The following HSD17B4 variants were observed in gnomAD, a reference collection of about 807,000 sequenced individuals.
The protein encoded by HSD17B4 is peroxisomal multifunctional enzyme type 2.
A neutral mutation model predicts 101.0 loss-of-function variants in HSD17B4; 70 were observed. That is an observed-to-expected ratio of 0.69 (90% CI 0.57 to 0.85). The LOEUF is 0.85. HSD17B4 is among the 40% of genes least tolerant of loss of function. The pLI is 0.00. For synonymous variants in HSD17B4, 347 were observed against 297.1 expected, an observed-to-expected ratio of 1.17 and a Z score of -1.73; for missense variants, 984 against 892.4, an observed-to-expected ratio of 1.10 and a Z score of -1.31.
chr5:119,475,095 C>G (rs544438760), intron 4 of HSD17B4, among the ~76,000 whole-genome samples: 23 of 152,188 alleles, frequency 1.5e-4, no homozygotes, highest in African/African-American at 4.6e-4. Flanking sequence ...GTCTATTACA[C>G]TTATTTTTCT....
intron 1 of HSD17B4, 109 bp downstream of exon 1, chr5:119,452,742 G>T (rs746470194): frequency 7.5e-6 from 12 of 1,595,794 alleles, no homozygotes; most frequent in Non-Finnish European, 1.0e-5. Context: ...CGCTGAGGTG[G>T]TGGGGAGGGG....
intron 18 of HSD17B4, among the ~76,000 whole-genome samples, chr5:119,525,579 C>G (rs1753513453): frequency 1.3e-5 from 2 of 151,984 alleles, no homozygotes; most frequent in African/African-American, 2.4e-5. Flanking sequence ...GGAGAGAGAG[C>G]AAGGAACTGA....
chr5:119,488,502 A>C (rs1385611420), intron 8 of HSD17B4, among the ~76,000 whole-genome samples: 1 of 152,194 alleles, frequency 6.6e-6, no homozygotes, highest in Non-Finnish European at 1.5e-5. Context: ...TGTTCTCAAC[A>C]CAAAGACAAG....
intron 2 of HSD17B4, among the ~76,000 whole-genome samples, chr5:119,471,030 T>G (rs1756314230): frequency 6.6e-6 from 1 of 152,218 alleles, no homozygotes; most frequent in Non-Finnish European, 1.5e-5. Context: ...TTGTAAAATT[T>G]CCACTTGGGG....
At chr5:119,459,063 A>G (rs1197125877) in intron 2 of HSD17B4, among the ~76,000 whole-genome samples, 3 of 152,256 alleles carry the variant, frequency 2.0e-5, no homozygotes, top group East Asian at 1.9e-4. Context: ...TAAGATTGAC[A>G]TGACTTTTCC....
intron 1 of HSD17B4, among the ~76,000 whole-genome samples, chr5:119,455,257 G>T (rs765239904): frequency 6.6e-6 from 1 of 152,110 alleles, no homozygotes; most frequent in Non-Finnish European, 1.5e-5. Flanking sequence ...GGTGGCTCAC[G>T]CCTGTAATCC....
chr5:119,468,979 T>C (rs147760642), intron 2 of HSD17B4, among the ~76,000 whole-genome samples: 13 of 152,024 alleles, frequency 8.6e-5, no homozygotes, highest in African/African-American at 3.1e-4. Context: ...GCAATGTGCT[T>C]ATTTCATGAC....
intron 2 of HSD17B4, among the ~76,000 whole-genome samples, chr5:119,458,902 A>G (rs1305549633): frequency 6.6e-6 from 1 of 152,236 alleles, no homozygotes; most frequent in African/African-American, 2.4e-5. Context: ...AGCTATATCT[A>G]GTTCTCTGAA....
At chr5:119,495,548 C>T (rs770163865) in intron 11 of HSD17B4, among the ~76,000 whole-genome samples, 4 of 152,178 alleles carry the variant, frequency 2.6e-5, no homozygotes, top group Non-Finnish European at 5.9e-5. Flanking sequence ...ACTAAATAGT[C>T]TTCCCTCTAG....
intron 17 of HSD17B4, among the ~76,000 whole-genome samples, chr5:119,517,593 C>A (rs560554014): frequency 6.6e-6 from 1 of 152,328 alleles, no homozygotes; most frequent in African/African-American, 2.4e-5. Context: ...ACATGGAGAA[C>A]CTTTATGTCA....
intron 8 of HSD17B4, among the ~76,000 whole-genome samples, chr5:119,483,835 T>C (rs1443497094): frequency 1.3e-5 from 2 of 152,180 alleles, no homozygotes. Flanking sequence ...CTAACAGATA[T>C]GGACATTGTA....
At chr5:119,455,067 A>G (rs1049597285) in intron 1 of HSD17B4, among the ~76,000 whole-genome samples, 5 of 152,258 alleles carry the variant, frequency 3.3e-5, no homozygotes, top group Non-Finnish European at 7.3e-5. Context: ...AAATGTAAAA[A>G]ATATACACAT....
At chr5:119,474,279 G>A (rs1010006334) in intron 3 of HSD17B4, 122 bp from the exon 4 acceptor site, 21 of 770,304 alleles carry the variant, frequency 2.7e-5, no homozygotes, top group Non-Finnish European at 4.6e-5. Context: ...TTGTAGATAT[G>A]GATATGTTCT....
intron 1 of HSD17B4, 168 bp downstream of exon 1, chr5:119,452,801 A>G (rs1194182707): frequency 3.2e-6 from 5 of 1,540,480 alleles, no homozygotes; most frequent in Non-Finnish European, 4.4e-6. Flanking sequence ...AAGAGCCGGA[A>G]ACACCTGGTC....
rs532783929 is a variant in HSD17B4 at position 119,505,928 on chromosome 5, A to G, written c.1262-890A>G. 2.6e-5 allele frequency among the ~76,000 whole-genome samples: 4 copies of G among 152,304 alleles called. No individual in the cohort carries two copies. The East Asian group carries it at 5.8e-4, about 22-fold the overall frequency. ...ATGGTTATTTAAAAAAATCTAATGTATCAAATATTGATGTTTGAAATTTAG... is the reference window on the plus strand; with the variant it reads ...ATGGTTATTTAAAAAAATCTAATGTGTCAAATATTGATGTTTGAAATTTAG... On this transcript the variant is annotated intron_variant, in intron 14 of 23. Coordinates refer to ENST00000510025, the MANE Select transcript of HSD17B4 (RefSeq NM_000414.4).
chr5:119,535,040 A>G (rs1022414420), intron 22 of HSD17B4, among the ~76,000 whole-genome samples: 3 of 152,050 alleles, frequency 2.0e-5, no homozygotes, highest in Admixed American at 6.6e-5. Context: ...TCTTTCATCC[A>G]GTTTCCTCAA....
At chr5:119,508,589 C>G (rs556719584) in intron 15 of HSD17B4, among the ~76,000 whole-genome samples, 3 of 152,280 alleles carry the variant, frequency 2.0e-5, no homozygotes, top group African/African-American at 7.2e-5. Flanking sequence ...AACTTGCTCA[C>G]TCATATCATT....
chr5:119,468,209 G>A (rs1376731997), intron 2 of HSD17B4, among the ~76,000 whole-genome samples: 3 of 151,990 alleles, frequency 2.0e-5, no homozygotes, highest in African/African-American at 7.2e-5. Context: ...CTGCCAGTGA[G>A]TTTTAAGCTT....
intron 9 of HSD17B4, 77 bp from the exon 10 acceptor site, chr5:119,492,023 G>T: frequency 8.6e-7 from 1 of 1,164,324 alleles, no homozygotes; most frequent in South Asian, 1.2e-5. Context: ...TAGAGGAGCT[G>T]ACTTTTTTCT....
Sources: gnomAD v4.1 joint callset for allele counts (sites outside exome capture counted in the v4.1 genomes callset) on GRCh38, gnomAD v4.1.1 for gene constraint, MANE v1.5 for transcripts, NCBI Gene and HGNC (gene_info 2026-07-23, HGNC 2026-07-21) for gene names.